The following ADORA1 variants were observed in gnomAD, a reference collection of about 807,000 sequenced individuals.
The protein encoded by ADORA1 is adenosine A1 receptor.
ADORA1 carries 6 observed loss-of-function variants against 19.9 expected under a neutral mutation model. The ratio of observed to expected loss-of-function variants is 0.30; its 90% confidence interval spans 0.17 to 0.59. The LOEUF is 0.59. Ranked by LOEUF, ADORA1 falls within the 20% of genes least tolerant of loss-of-function variation. The pLI is 0.87. For synonymous variants in ADORA1, 194 were observed against 188.4 expected, an observed-to-expected ratio of 1.03 and a Z score of -0.24; for missense variants, 302 against 439.2, an observed-to-expected ratio of 0.69 and a Z score of 2.79.
At position 203,146,724 on chromosome 1, in the gene ADORA1, T is replaced by C. The variant is rs575425857; in HGVS notation, c.341+17542T>C. On this transcript the variant is annotated intron_variant, in intron 3 of 3. Coordinates refer to ENST00000337894, the MANE Select transcript of ADORA1 (RefSeq NM_000674.3). Reference sequence around the variant, plus strand: ...GCTAAGAGGTCTGAGATTTCTGAGATGGAGAGTGCTGTGGGCACGAGCCAG... The same window carrying C: ...GCTAAGAGGTCTGAGATTTCTGAGACGGAGAGTGCTGTGGGCACGAGCCAG... Among the ~76,000 whole-genome samples the C allele has an allele frequency of 1.4e-4, 22 of 152,054 alleles. No homozygotes were observed. The South Asian group carries it at 4.6e-3, about 32-fold the overall frequency.
rs1354270111 is a variant in ADORA1 at position 203,164,955 on chromosome 1, G to A, written c.342-306G>A. 5.9e-6 allele frequency: 8 copies of A among 1,357,040 alleles called. No individual in the cohort carries two copies. The South Asian group carries it at 7.9e-5, about 13-fold the overall frequency. The allele number at this position is 1,357,040 out of a possible 1,614,324, so 84.1% of individuals were successfully genotyped here. A position where few individuals can be genotyped will look rare whatever the true frequency, so the allele number is the denominator to read the frequency against. On this transcript the variant is annotated intron_variant, in intron 3 of 3. Transcript: ENST00000337894. ...GTGGGGGCATGCTGAGCACATGGGA[G>A]CAATTTTTACTGTGGTCATTTCCTT...
intron 3 of ADORA1, among the ~76,000 whole-genome samples, chr1:203,161,996 TG>T (rs1655385989): frequency 6.6e-6 from 1 of 152,226 alleles, no homozygotes; most frequent in Non-Finnish European, 1.5e-5. Context: ...TGCACACTCC[TG>T]AGAGCAGCAT....
chr1:203,154,716 C>T (rs536458727), intron 3 of ADORA1, among the ~76,000 whole-genome samples: 2 of 152,288 alleles, frequency 1.3e-5, no homozygotes, highest in Non-Finnish European at 2.9e-5. Context: ...ACCTGGATAG[C>T]CCCAGGGCTT....
chr1:203,140,379 T>C (rs1296294938), intron 3 of ADORA1, among the ~76,000 whole-genome samples: 2 of 152,150 alleles, frequency 1.3e-5, no homozygotes, highest in Admixed American at 6.5e-5. Context: ...AGGAATCCAA[T>C]GTGACGATCC....
At chr1:203,157,026 C>T (rs1175451394) in intron 3 of ADORA1, among the ~76,000 whole-genome samples, 1 of 152,248 alleles carries the variant, frequency 6.6e-6, no homozygotes, top group African/African-American at 2.4e-5. Flanking sequence ...ACATTCAAAC[C>T]ATGGCATTCT....
At chr1:203,143,559 T>TGTGTGTG (rs34636136) in intron 3 of ADORA1, among the ~76,000 whole-genome samples, 18 of 150,918 alleles carry the variant, frequency 1.2e-4, no homozygotes, top group Non-Finnish European at 2.5e-4. Flanking sequence ...GTGTGTGTGT[T>TGTGTGTG]TGTGTGTGCA....
At position 203,142,128 on chromosome 1, in the gene ADORA1, G is replaced by A. The variant is rs920350540; in HGVS notation, c.341+12946G>A. Among the ~76,000 whole-genome samples the A allele has an allele frequency of 9.8e-5, 15 of 152,334 alleles. No homozygotes were observed. The East Asian group carries it at 2.5e-3, about 25-fold the overall frequency. ...TACCTCCTTCCTAGGGTTGCTGTGA[G>A]GCTGGGAGATAGTGTACGTTCAAGG... On this transcript the variant is annotated intron_variant, in intron 3 of 3. Coordinates refer to ENST00000337894, the MANE Select transcript of ADORA1 (RefSeq NM_000674.3).
chr1:203,159,268 A>G (rs1655289608), intron 3 of ADORA1, among the ~76,000 whole-genome samples: 1 of 152,210 alleles, frequency 6.6e-6, no homozygotes. Context: ...AGCCTGAGCT[A>G]TCTTTTAAAA....
In ADORA1 at chr1:203,159,404, C is replaced by T. The variant is rs199790417; in HGVS notation, c.342-5857C>T. ...CTTCTCTGACTGAGCCGGCCTCTCT[C>T]GGGCCTTCACCCCTGAGGCTCCTTC... On this transcript the variant is annotated intron_variant, in intron 3 of 3. Transcript: ENST00000337894. Among the ~76,000 whole-genome samples, 49 of 152,348 alleles carry T rather than the reference C, an allele frequency of 3.2e-4. No homozygotes were observed. In the East Asian group the frequency reaches 5.2e-3, roughly 16 times the overall value.
chr1:203,129,249 G>A lies in ADORA1; in HGVS notation c.341+67G>A, dbSNP rs1290535653. ...GGCTGGCTTGAGGGCCATCTAGAAAGGAAAAAAGGTAGAGCATAAGACCCC... is the reference window on the plus strand; with the variant it reads ...GGCTGGCTTGAGGGCCATCTAGAAAAGAAAAAAGGTAGAGCATAAGACCCC... On this transcript the variant is annotated intron_variant, in intron 3 of 3. Transcript: ENST00000337894. 27 of 1,534,626 alleles carry A rather than the reference G, an allele frequency of 1.8e-5. No individual in the cohort carries two copies. The Admixed American group carries it at 2.1e-4, about 12-fold the overall frequency.
At chr1:203,134,057 A>T (rs944085397) in intron 3 of ADORA1, among the ~76,000 whole-genome samples, 21 of 137,674 alleles carry the variant, frequency 1.5e-4, no homozygotes, top group African/African-American at 5.8e-4. Context: ...AGGATGGATT[A>T]GTCATAGGCC....
intron 3 of ADORA1, among the ~76,000 whole-genome samples, chr1:203,157,843 C>A (rs1202053517): frequency 6.6e-6 from 1 of 152,074 alleles, no homozygotes; most frequent in Non-Finnish European, 1.5e-5. Flanking sequence ...CTGAGGTGGC[C>A]CTGGGCAGCA....
At chr1:203,143,293 T>G (rs1249291138) in intron 3 of ADORA1, among the ~76,000 whole-genome samples, 2 of 152,178 alleles carry the variant, frequency 1.3e-5, no homozygotes, top group Non-Finnish European at 2.9e-5. Flanking sequence ...AGATCTCTTG[T>G]CCTCTTCTTA....
chr1:203,153,585 C>T (rs1184948813), intron 3 of ADORA1, among the ~76,000 whole-genome samples: 1 of 152,122 alleles, frequency 6.6e-6, no homozygotes, highest in African/African-American at 2.4e-5. Flanking sequence ...GGTGTCAGCC[C>T]GAGTCTCCTT....
intron 3 of ADORA1, among the ~76,000 whole-genome samples, chr1:203,144,081 TACACACACACACACACAC>T (rs10525873): frequency 1.4e-5 from 2 of 139,770 alleles, no homozygotes; most frequent in Non-Finnish European, 1.5e-5. Flanking sequence ...GACTACCTCT[TACACACACACACACACAC>T]ACACACACAC....
rs372591385 is a variant in ADORA1 at position 203,156,578 on chromosome 1, T to G, written c.342-8683T>G. 4.1e-4 allele frequency among the ~76,000 whole-genome samples: 63 copies of G among 152,242 alleles called. No individual in the cohort carries two copies. The South Asian group carries it at 8.1e-3, about 20-fold the overall frequency. On this transcript the variant is annotated intron_variant, in intron 3 of 3. Transcript: ENST00000337894. The stretch of plus-strand genomic sequence containing the variant: ...TCAGGGAAAGAAGGGTCAAGGAGAC[T>G]GGGGGAATGACAGTGCCCTCTGCTC...
chr1:203,129,131 C>T lies in ADORA1; in HGVS notation c.290C>T (p.Ala97Val). Residue 97 changes from alanine (A) to valine (V), a missense_variant, in exon 3 of 4, where the codon GCC becomes GTC. Physicochemically the swap from Ala to Val is moderately conservative, Grantham distance 64. Transcript: ENST00000337894. Reference protein sequence around the residue: ...VLILTQSSILALLAIAVDRYL... With the variant: ...VLILTQSSILVLLAIAVDRYL... ...ATCCTCACCCAGAGCTCCATCCTGGCCCTGCTGGCAATTGCTGTGGACCGC... is the reference window on the plus strand; with the variant it reads ...ATCCTCACCCAGAGCTCCATCCTGGTCCTGCTGGCAATTGCTGTGGACCGC... 1.9e-6 allele frequency: 3 copies of T among 1,614,098 alleles called. No homozygotes were observed. Among genetic ancestry groups the T allele is most frequent in the East Asian group, 2.2e-5 (1 of 44,886 alleles).
rs201201895 is a variant in ADORA1 at position 203,165,257 on chromosome 1, C to G, written c.342-4C>G. The G allele has an allele frequency of 7.6e-5, 121 of 1,591,450 alleles. 1 individual carries two copies. In the African/African-American group the frequency reaches 1.6e-3, roughly 20 times the overall value. On this transcript the variant is annotated splice_polypyrimidine_tract_variant and splice_region_variant and intron_variant, in intron 3 of 3. Transcript: ENST00000337894. This position sits in a 1 kb window ranked among gnomAD's most constrained non-coding sequence, Gnocchi z 5.9. ...TCCTCACACTCTGCCCTCCTCTCCC[C>G]CAGGTACAAGATGGTGGTGACCCCC...
rs764334382 is a variant in ADORA1, at chr1:203,143,223, C to G, written c.341+14041C>G. Among the ~76,000 whole-genome samples the G allele has an allele frequency of 1.2e-3, 178 of 152,148 alleles. 2 individuals carry two copies. The highest frequency in any genetic ancestry group is 5.7e-4 in the Non-Finnish European group (39 of 68,022). Reference sequence around the variant, plus strand: ...CACAGTGCTGGGGTCTGATGAGGGCCTCCTTGCTGCGTCACAGTGGAGGGC... The same window carrying G: ...CACAGTGCTGGGGTCTGATGAGGGCGTCCTTGCTGCGTCACAGTGGAGGGC... On this transcript the variant is annotated intron_variant, in intron 3 of 3. Transcript: ENST00000337894.
Sources: allele counts gnomAD v4.1 joint callset (sites outside exome capture counted in the v4.1 genomes callset), GRCh38; gene constraint gnomAD v4.1.1; non-coding constraint Gnocchi (gnomAD v3.1); transcripts MANE v1.5; gene names NCBI Gene and HGNC (gene_info 2026-07-23, HGNC 2026-07-21).